Variants in TMEM192 observed in about 807,000 individuals in gnomAD.
TMEM192 encodes transmembrane protein 192.
Under a neutral mutation model 26.7 loss-of-function variants are expected in TMEM192, and 20 were observed. The ratio of observed to expected loss-of-function variants is 0.75; its 90% CI spans 0.53 to 1.09. The LOEUF is 1.09. Among genes scored for constraint, TMEM192 ranks in the 50% least tolerant of loss-of-function variants. The pLI is 0.00. For synonymous variants in TMEM192, 124 were observed against 121.0 expected (o/e 1.02, Z -0.16); for missense variants, 304 against 322.6 (o/e 0.94, Z 0.44).
Position 165,073,850 on chromosome 4 carries a change from A to G in TMEM192, c.*5808T>C, listed in dbSNP as rs1191316775. 1 of 152,174 alleles carries G rather than the reference A, an allele frequency of 6.6e-6. No homozygotes were observed. The highest frequency in any genetic ancestry group is 1.5e-5 in the Non-Finnish European group (1 of 68,046). The allele number at this position is 152,174 out of a possible 1,614,324, so 9.4% of individuals were successfully genotyped here. A position where few individuals can be genotyped will look rare whatever the true frequency, so the allele number is the denominator to read the frequency against. Reference sequence around the variant, plus strand: ...ACCTTTCCTTGAACTTATTCATGATACAGATTCCTTTGCTCACGTTTCCCT... The same window carrying G: ...ACCTTTCCTTGAACTTATTCATGATGCAGATTCCTTTGCTCACGTTTCCCT... On this transcript the variant is annotated 3_prime_UTR_variant, in exon 6 of 6. Coordinates refer to ENST00000306480, the MANE Select transcript of TMEM192 (RefSeq NM_001100389.2).
Position 165,103,042 on chromosome 4 carries a change from G to C in TMEM192, c.82C>G (p.Leu28Val). Residue 28 changes from leucine (L) to valine (V), a missense_variant, in exon 2 of 6, where the codon CTT (leucine) becomes GTT (valine). Leu to Val is a conservative substitution (Grantham distance 32). Transcript: ENST00000306480. Reference protein sequence around the residue: ...IEDDPLLDAQLLPHHSLQAHF... With the variant: ...IEDDPLLDAQVLPHHSLQAHF... ...GCTTGTAATGAGTGGTGTGGGAGAA[G>C]CTGGGCATCCAGAAGTGGGTCGTCT... 2.5e-6 allele frequency: 4 copies of C among 1,613,450 alleles called. No homozygotes were observed. Among genetic ancestry groups the C allele is most frequent in the Non-Finnish European group, 3.4e-6 (4 of 1,179,718 alleles).
chr4:165,095,660 T>A (rs919129786), intron 3 of TMEM192, among the ~76,000 whole-genome samples: 1 of 152,216 alleles, frequency 6.6e-6, no homozygotes, highest in Non-Finnish European at 1.5e-5. Flanking sequence ...AGAGACTGAC[T>A]GGACCCACAT....
chr4:165,086,620 T>TC (rs1185263986), intron 4 of TMEM192, among the ~76,000 whole-genome samples: 1 of 151,936 alleles, frequency 6.6e-6, no homozygotes, highest in Non-Finnish European at 1.5e-5. Flanking sequence ...AGACGGTGTT[T>TC]CACCATGTTG....
chr4:165,084,991 C>T (rs954207752), intron 5 of TMEM192, among the ~76,000 whole-genome samples: 35 of 150,624 alleles, frequency 2.3e-4, no homozygotes, highest in African/African-American at 8.3e-4. Context: ...AAGAAAATAA[C>T]AGGCCGGGCG....
In TMEM192 at chr4:165,086,297, G is replaced by C. The variant is rs551481639; in HGVS notation, c.575-609C>G. Reference sequence around the variant, plus strand: ...AGGTGCAGGAGGAGTCTGAACAAATGCTATGGTCTTGAGAAGCTACACGTA... The same window carrying C: ...AGGTGCAGGAGGAGTCTGAACAAATCCTATGGTCTTGAGAAGCTACACGTA... On this transcript the variant is annotated intron_variant, in intron 4 of 5. Transcript: ENST00000306480. Among the ~76,000 whole-genome samples, 125 of 152,212 alleles carry C rather than the reference G, an allele frequency of 8.2e-4. 5 individuals are homozygous for C. In the South Asian group the frequency reaches 0.025, roughly 31 times the overall value.
Position 165,075,022 on chromosome 4 carries a change from A to G in TMEM192, c.*4636T>C, listed in dbSNP as rs1734343096. 6.6e-6 allele frequency: 1 copy of G among 152,226 alleles called. No individual in the cohort carries two copies. Among genetic ancestry groups the G allele is most frequent in the African/African-American group, 2.4e-5 (1 of 41,464 alleles). The allele number at this position is 152,226 out of a possible 1,614,324, so 9.4% of individuals were successfully genotyped here. ...CTTCATTAGTATCCAAAGAAATACA[A>G]TTTGAAACAATGACACACTCATCAG... On this transcript the variant is annotated 3_prime_UTR_variant, in exon 6 of 6. Coordinates refer to ENST00000306480, the MANE Select transcript of TMEM192 (RefSeq NM_001100389.2).
intron 3 of TMEM192, among the ~76,000 whole-genome samples, chr4:165,099,584 A>C (rs1057449144): frequency 6.6e-6 from 1 of 152,128 alleles, no homozygotes; most frequent in African/African-American, 2.4e-5. Context: ...CTCACTGCCT[A>C]ACAGTCCTCT....
rs1279510633 is a variant in TMEM192 at position 165,074,345 on chromosome 4, T to C, written c.*5313A>G. On this transcript the variant is annotated 3_prime_UTR_variant, in exon 6 of 6. Coordinates refer to ENST00000306480, the MANE Select transcript of TMEM192 (RefSeq NM_001100389.2). ...AATTTTCCTTAGGAAACCTAGAGAA[T>C]GTTTTGAGATCTCAAATTTGTGATT... 1.3e-5 allele frequency: 2 copies of C among 152,216 alleles called. No individual in the cohort carries two copies. The highest frequency in any genetic ancestry group is 6.5e-5 in the Admixed American group (1 of 15,270). The allele number at this position is 152,216 out of a possible 1,614,324, so 9.4% of individuals were successfully genotyped here.
chr4:165,097,387 G>C (rs1221436925), intron 3 of TMEM192, among the ~76,000 whole-genome samples: 2 of 151,492 alleles, frequency 1.3e-5, no homozygotes, highest in African/African-American at 4.9e-5. Flanking sequence ...CCAGCTACTC[G>C]GGAGGCTGAG....
chr4:165,070,636 ATGT>A lies in TMEM192; in HGVS notation c.*9019_*9021del, dbSNP rs1579196336. On this transcript the variant is annotated 3_prime_UTR_variant, in exon 6 of 6. Coordinates refer to ENST00000306480, the MANE Select transcript of TMEM192 (RefSeq NM_001100389.2). ...CAGTCTTATCTCTTTTATTTCTGAT[ATGT>A]TGTTATTTTTTAGTGTATCCTAGAC... is the stretch of plus-strand genomic sequence containing the variant. 6.6e-6 allele frequency: 1 copy of A among 152,204 alleles called. No homozygotes were observed. Among genetic ancestry groups the A allele is most frequent in the Admixed American group, 6.6e-5 (1 of 15,264 alleles). 9.4% of individuals were successfully genotyped at this position (152,204 alleles called of 1,614,324 possible). A position where few individuals can be genotyped will look rare whatever the true frequency, so the allele number is the denominator to read the frequency against.
chr4:165,080,180 C>T (rs1734488703), intron 5 of TMEM192, among the ~76,000 whole-genome samples: 1 of 152,074 alleles, frequency 6.6e-6, no homozygotes, highest in South Asian at 2.1e-4. Flanking sequence ...ACTACTCTGA[C>T]CATGGGAAAC....
chr4:165,100,155 A>C (rs1340899670), intron 3 of TMEM192, among the ~76,000 whole-genome samples: 1 of 142,270 alleles, frequency 7.0e-6, no homozygotes, highest in African/African-American at 2.8e-5. Flanking sequence ...ATTTCATAAT[A>C]AAAGTTCTTT....
rs1184549489 is a variant in TMEM192, at chr4:165,082,296, T to A, written c.678-2500A>T. On this transcript the variant is annotated intron_variant, in intron 5 of 5. Coordinates refer to ENST00000306480, the MANE Select transcript of TMEM192 (RefSeq NM_001100389.2). ...TGGACATCGTCTATATACAGTAGAC[T>A]TTCAATTAACATCCCTGTTCCCTGC... Among the ~76,000 whole-genome samples the A allele has an allele frequency of 1.8e-4, 7 of 39,776 alleles. 3 individuals are homozygous for A. The highest frequency in any genetic ancestry group is 6.6e-4 in the Admixed American group (2 of 3,046). The allele number at this position is 39,776 out of a possible 152,430, so 26.1% of individuals were successfully genotyped here. A position where few individuals can be genotyped will look rare whatever the true frequency, so the allele number is the denominator to read the frequency against.
At chr4:165,105,337 T>C (rs1039775712) in intron 1 of TMEM192, among the ~76,000 whole-genome samples, 13 of 152,290 alleles carry the variant, frequency 8.5e-5, no homozygotes, top group Admixed American at 8.5e-4. Context: ...TTAGAAGAGA[T>C]TATCAGGACA....
At chr4:165,099,329 G>A (rs537975473) in intron 3 of TMEM192, among the ~76,000 whole-genome samples, 8 of 148,046 alleles carry the variant, frequency 5.4e-5, no homozygotes, top group Non-Finnish European at 1.0e-4. Context: ...CAAGGGATCT[G>A]CCCACCTCAG....
At chr4:165,096,561 CAG>C (rs1368418698) in intron 3 of TMEM192, among the ~76,000 whole-genome samples, 2 of 151,558 alleles carry the variant, frequency 1.3e-5, no homozygotes, top group Non-Finnish European at 2.9e-5. Context: ...CAAAATATAT[CAG>C]GCTGAAGTTA....
At chr4:165,090,372 A>G (rs1374982966) in intron 3 of TMEM192, among the ~76,000 whole-genome samples, 1 of 150,536 alleles carries the variant, frequency 6.6e-6, no homozygotes, top group Non-Finnish European at 1.5e-5. Flanking sequence ...ACAGAGCGAG[A>G]CTCCATTTCA....
chr4:165,097,904 T>C (rs1271002371), intron 3 of TMEM192, among the ~76,000 whole-genome samples: 10 of 152,078 alleles, frequency 6.6e-5, no homozygotes, highest in Non-Finnish European at 4.4e-5. Flanking sequence ...CTCAGCTTAC[T>C]GCAATCTTGA....
chr4:165,102,101 C>G (rs1735051085), intron 2 of TMEM192, among the ~76,000 whole-genome samples: 1 of 152,118 alleles, frequency 6.6e-6, no homozygotes, highest in Admixed American at 6.6e-5. Flanking sequence ...ACCAGTGAGG[C>G]CTGCGATAAG....
Sources: gnomAD v4.1 joint callset for allele counts (sites outside exome capture counted in the v4.1 genomes callset) on GRCh38, gnomAD v4.1.1 for gene constraint, MANE v1.5 for transcripts, NCBI Gene and HGNC (gene_info 2026-07-23, HGNC 2026-07-21) for gene names.